The following ENPP3 variants were observed in gnomAD, a reference collection of about 807,000 sequenced individuals.
ENPP3 encodes the protein ectonucleotide pyrophosphatase/phosphodiesterase 3, also known as ectonucleotide pyrophosphatase/phosphodiesterase family member 3.
ENPP3 carries 104 observed loss-of-function variants against 117.8 expected under a neutral mutation model. The ratio of observed to expected loss-of-function variants is 0.88; its 90% CI spans 0.75 to 1.04. The LOEUF (loss-of-function observed/expected upper bound fraction) is 1.04. Among genes scored for constraint, ENPP3 ranks in the 50% least tolerant of loss-of-function variants. The probability of loss-of-function intolerance (pLI) is 0.00; values close to 1 mark genes in which losing one functional copy is unlikely to be tolerated. For missense variants in ENPP3, 1,026 were observed against 1,051.9 expected (o/e 0.98, Z 0.34); for synonymous variants, 380 against 349.9 (o/e 1.09, Z -0.96).
intron 11 of ENPP3, among the ~76,000 whole-genome samples, chr6:131,682,815 T>C (rs1016724777): frequency 6.6e-6 from 1 of 152,216 alleles, no homozygotes; most frequent in Non-Finnish European, 1.5e-5. Flanking sequence ...CATGTATTTA[T>C]TGGCCAGCAG....
intron 24 of ENPP3, among the ~76,000 whole-genome samples, chr6:131,744,625 C>T (rs1780594335): frequency 6.6e-6 from 1 of 152,130 alleles, no homozygotes; most frequent in Non-Finnish European, 1.5e-5. Flanking sequence ...TCAGTGAGGT[C>T]ATCATTGACA....
intron 5 of ENPP3, among the ~76,000 whole-genome samples, chr6:131,653,878 A>C (rs1585621736): frequency 6.6e-6 from 1 of 151,604 alleles, no homozygotes; most frequent in African/African-American, 2.4e-5. Flanking sequence ...CTCCTACCCC[A>C]CCCCTCCCAT....
At chr6:131,694,789 G>C (rs1779364323) in intron 15 of ENPP3, among the ~76,000 whole-genome samples, 1 of 149,490 alleles carries the variant, frequency 6.7e-6, no homozygotes, top group African/African-American at 2.5e-5. Context: ...AGCCAAGATC[G>C]CACCACTGCA....
chr6:131,696,450 GGGT>G (rs1324860690), intron 15 of ENPP3, among the ~76,000 whole-genome samples: 1 of 152,188 alleles, frequency 6.6e-6, no homozygotes, highest in East Asian at 1.9e-4. Flanking sequence ...TTCCTGGTAG[GGGT>G]GGTTGCTGAT....
chr6:131,678,058 A>C (rs983140769), intron 11 of ENPP3, 118 bp downstream of exon 11: 2 of 577,886 alleles, frequency 3.5e-6, no homozygotes, highest in Non-Finnish European at 3.1e-6. Context: ...ATACATACAC[A>C]AGAAGATCAA....
chr6:131,718,736 G>C lies in ENPP3; in HGVS notation c.1477G>C (p.Glu493Gln), dbSNP rs2114522696. ...HGYNNEFRSM[E>Q]AIFLAHGPSF... ...TTATAACAATGAGTTTAGGAGCATG[G>C]AGGTAACTTACTGCTTTTTTTTTTA... The change falls in exon 16 of 25, where the codon GAG (glutamate) becomes CAG (glutamine). Residue 493 changes from glutamate to glutamine, a missense_variant and splice_region_variant. Coordinates refer to ENST00000357639, the MANE Select transcript of ENPP3 (RefSeq NM_005021.5). 7 of 1,593,902 alleles carry C rather than the reference G, an allele frequency of 4.4e-6. No homozygotes were observed. In the East Asian group the frequency reaches 1.3e-4, roughly 31 times the overall value.
intron 10 of ENPP3, 108 bp downstream of exon 10, chr6:131,676,909 G>A (rs575540723): frequency 1.8e-4 from 128 of 713,910 alleles, no homozygotes; most frequent in Middle Eastern, 2.7e-4. Flanking sequence ...TTTTCGAAAC[G>A]ACGTGGCATT....
At chr6:131,639,541 G>A (rs2114277798) in intron 1 of ENPP3, among the ~76,000 whole-genome samples, 1 of 152,104 alleles carries the variant, frequency 6.6e-6, no homozygotes, top group South Asian at 2.1e-4. Context: ...TGGTTTTTGA[G>A]TATATATAAT....
chr6:131,643,725 T>G (rs1161332419), intron 2 of ENPP3, among the ~76,000 whole-genome samples: 1 of 152,150 alleles, frequency 6.6e-6, no homozygotes, highest in East Asian at 1.9e-4. Flanking sequence ...CTACACGTAT[T>G]TTTTGATTGA....
chr6:131,641,799 G>GTTTTTTTTTTTTTTTTTTTTTTTTTTTT lies in ENPP3; in HGVS notation c.154+293_154+294insTTTTTTTTTTTTTTTTTTTTTTTTTTTT, dbSNP rs540011427. 4.2e-4 allele frequency among the ~76,000 whole-genome samples: 27 copies of GTTTTTTTTTTTTTTTTTTTTTTTTTTTT among 64,062 alleles called. 1 individual carries two copies. The highest frequency in any genetic ancestry group is 7.5e-4 in the East Asian group (1 of 1,330). The allele number at this position is 64,062 out of a possible 152,430, so 42.0% of individuals were successfully genotyped here. A position where few individuals can be genotyped will look rare whatever the true frequency, so the allele number is the denominator to read the frequency against. On this transcript the variant is annotated intron_variant, in intron 2 of 24. Coordinates refer to ENST00000357639, the MANE Select transcript of ENPP3 (RefSeq NM_005021.5). The stretch of plus-strand genomic sequence containing the variant: ...TTTTCTCTTACCTTTCTCCACCCTG[G>GTTTTTTTTTTTTTTTTTTTTTTTTTTTT]TTTTTTTTTTTTTTTTTTTTTTTTG...
At chr6:131,719,463 G>T (rs1250214538) in intron 16 of ENPP3, among the ~76,000 whole-genome samples, 2 of 150,162 alleles carry the variant, frequency 1.3e-5, no homozygotes, top group Admixed American at 6.6e-5. Flanking sequence ...GGCCTTTTAT[G>T]AATATGTTTC....
At chr6:131,670,328 T>C (rs1230059370) in intron 6 of ENPP3, among the ~76,000 whole-genome samples, 3 of 152,204 alleles carry the variant, frequency 2.0e-5, no homozygotes, top group African/African-American at 7.2e-5. Context: ...TAGATGCCAA[T>C]GCTATATAAA....
Position 131,722,410 on chromosome 6 carries a change from G to C in ENPP3, c.1746+5G>C. Reference sequence around the variant, plus strand: ...TTCTGCCCTCACCTACAAAATGTAAGTAACAACTTCATGCATCCATAAGAA... The same window carrying C: ...TTCTGCCCTCACCTACAAAATGTAACTAACAACTTCATGCATCCATAAGAA... On this transcript the variant is annotated splice_donor_5th_base_variant and intron_variant, in intron 18 of 24. Transcript: ENST00000357639. 6.2e-7 allele frequency: 1 copy of C among 1,611,740 alleles called. No individual in the cohort carries two copies. The highest frequency in any genetic ancestry group is 8.5e-7 in the Non-Finnish European group (1 of 1,178,834).
At chr6:131,692,859 T>C (rs1188659340) in intron 14 of ENPP3, among the ~76,000 whole-genome samples, 1 of 103,510 alleles carries the variant, frequency 9.7e-6, no homozygotes, top group Non-Finnish European at 1.8e-5. Context: ...ATATGATATG[T>C]GATATATATG....
At chr6:131,677,977 TA>T in intron 11 of ENPP3, 37 bp downstream of exon 11, 1 of 1,241,204 alleles carries the variant, frequency 8.1e-7, no homozygotes, top group Non-Finnish European at 1.2e-6. Flanking sequence ...AAAAAAAATG[TA>T]AAATCATCTA....
At chr6:131,680,591 G>A (rs1779003388) in intron 11 of ENPP3, among the ~76,000 whole-genome samples, 2 of 152,168 alleles carry the variant, frequency 1.3e-5, no homozygotes, top group African/African-American at 4.8e-5. Context: ...TTGAGAAGAA[G>A]AGGCAAATGA....
At chr6:131,652,339 A>G (rs567098375) in intron 3 of ENPP3, among the ~76,000 whole-genome samples, 1 of 152,326 alleles carries the variant, frequency 6.6e-6, no homozygotes, top group South Asian at 2.1e-4. Context: ...GTTGCGATTT[A>G]TAAAGCTGCA....
chr6:131,678,079 G>T lies in ENPP3; in HGVS notation c.1011+139G>T, dbSNP rs114814982. 8.6e-4 allele frequency: 450 copies of T among 520,318 alleles called. 2 individuals are homozygous for T. The highest frequency in any genetic ancestry group is 8.0e-3 in the African/African-American group (420 of 52,428). The allele number at this position is 520,318 out of a possible 1,614,324, so 32.2% of individuals were successfully genotyped here. ...ACACAAGAAGATCAAAATAGTTAAA[G>T]GTATAAAAGGGATGCCATGGTTCAA... is the stretch of plus-strand genomic sequence containing the variant. On this transcript the variant is annotated intron_variant, in intron 11 of 24. Transcript: ENST00000357639.
intron 15 of ENPP3, among the ~76,000 whole-genome samples, chr6:131,713,087 T>C (rs1779821485): frequency 7.6e-6 from 1 of 131,844 alleles, no homozygotes; most frequent in Non-Finnish European, 1.5e-5. Flanking sequence ...GTTGTTGTGA[T>C]AGTGAATAAG....
Sources: gnomAD v4.1 joint callset for allele counts (sites outside exome capture counted in the v4.1 genomes callset) on GRCh38, gnomAD v4.1.1 for gene constraint, MANE v1.5 for transcripts, NCBI Gene and HGNC (gene_info 2026-07-23, HGNC 2026-07-21) for gene names.